The following FKBP5 variants were observed in gnomAD, a reference collection of about 807,000 sequenced individuals.
The protein encoded by FKBP5 is peptidyl-prolyl cis-trans isomerase FKBP5.
A neutral mutation model predicts 50.5 loss-of-function variants in FKBP5; 23 were observed. The observed-to-expected ratio is 0.46, with a 90% confidence interval of 0.33 to 0.65. The LOEUF is 0.65. Ranked by LOEUF, FKBP5 falls within the 30% of genes least tolerant of loss-of-function variation. The probability of loss-of-function intolerance (pLI) is 0.02; values close to 1 mark genes in which losing one functional copy is unlikely to be tolerated. For synonymous variants in FKBP5, 176 were observed against 190.6 expected (o/e 0.92, Z 0.63); for missense variants, 411 against 553.1 (o/e 0.74, Z 2.58).
chr6:35,669,080 T>C (rs577206342), intron 1 of FKBP5, among the ~76,000 whole-genome samples: 59 of 152,284 alleles, frequency 3.9e-4, no homozygotes, highest in African/African-American at 1.3e-3. Context: ...TTCTCAACTC[T>C]AAGAAAGCTA....
chr6:35,638,933 T>A (rs1056201520), intron 2 of FKBP5, among the ~76,000 whole-genome samples: 6 of 152,170 alleles, frequency 3.9e-5, no homozygotes, highest in African/African-American at 1.4e-4. Context: ...ACTGGGCATG[T>A]GGGATGAATG....
chr6:35,652,359 G>A (rs1221377172), intron 1 of FKBP5, among the ~76,000 whole-genome samples: 1 of 152,236 alleles, frequency 6.6e-6, no homozygotes, highest in Non-Finnish European at 1.5e-5. Flanking sequence ...CCGCCGGTGA[G>A]CCGGGCAGAA....
At chr6:35,683,011 T>C (rs1175672898) in intron 1 of FKBP5, among the ~76,000 whole-genome samples, 1 of 151,766 alleles carries the variant, frequency 6.6e-6, no homozygotes, top group Non-Finnish European at 1.5e-5. Flanking sequence ...TGTATGTGTC[T>C]GTGTGTATAT....
chr6:35,584,405 GA>G (rs1762537598), intron 8 of FKBP5: 1 of 985,314 alleles, frequency 1.0e-6, no homozygotes, highest in Non-Finnish European at 1.2e-6. Flanking sequence ...CCAATATGCA[GA>G]TGGCATGAAA....
chr6:35,584,482 A>G (rs968905358), intron 8 of FKBP5: 19 of 985,496 alleles, frequency 1.9e-5, no homozygotes, highest in Non-Finnish European at 2.3e-5. Context: ...CAAATGCATA[A>G]CATGCCAAGT....
In FKBP5 at chr6:35,578,055, CAAA is replaced by C. The variant is rs143946034; in HGVS notation, c.1027-825_1027-823del. Among the ~76,000 whole-genome samples, 111 of 104,284 alleles carry C rather than the reference CAAA, an allele frequency of 1.1e-3. 2 individuals carry two copies. Among genetic ancestry groups the C allele is most frequent in the Admixed American group, 1.7e-3 (17 of 10,180 alleles). The allele number at this position is 104,284 out of a possible 152,430, so 68.4% of individuals were successfully genotyped here. ...GGTGACAGAGTGAGACTCTTGTCTC[CAAA>C]AAAAAAAAAAAAAAAAAGTTCTTAC... On this transcript the variant is annotated intron_variant, in intron 9 of 10. Coordinates refer to ENST00000357266, the MANE Select transcript of FKBP5 (RefSeq NM_004117.4).
At chr6:35,658,248 G>A (rs1256283298) in intron 1 of FKBP5, among the ~76,000 whole-genome samples, 2 of 151,888 alleles carry the variant, frequency 1.3e-5, no homozygotes, top group Non-Finnish European at 2.9e-5. Flanking sequence ...GGTGGCGGGC[G>A]CCTGTAGTCC....
intron 5 of FKBP5, among the ~76,000 whole-genome samples, chr6:35,604,001 C>T (rs986117125): frequency 7.4e-5 from 11 of 148,980 alleles, no homozygotes; most frequent in African/African-American, 2.7e-4. Context: ...CCACCGTGCC[C>T]GGCCTCTTTA....
rs112790704 is a variant in FKBP5, at chr6:35,630,170, AAGAG to A, written c.250+6840_250+6843del. Reference sequence around the variant, plus strand: ...AGAGAAAGAGGGAGGAGGAGGAAGAAAGAGAGAGAGAGAGAGAGAGAGCGAGCGA... The same window carrying A: ...AGAGAAAGAGGGAGGAGGAGGAAGAAAGAGAGAGAGAGAGAGAGCGAGCGA... On this transcript the variant is annotated intron_variant, in intron 3 of 10. Transcript: ENST00000357266. Among the ~76,000 whole-genome samples, 361 of 146,676 alleles carry A rather than the reference AAGAG, an allele frequency of 2.5e-3. 2 individuals are homozygous for A. The highest frequency in any genetic ancestry group is 7.3e-3 in the Admixed American group (107 of 14,672).
At chr6:35,701,975 G>A (rs1442004315) in intron 2 of FKBP5, among the ~76,000 whole-genome samples, 3 of 151,992 alleles carry the variant, frequency 2.0e-5, no homozygotes, top group African/African-American at 4.8e-5. Context: ...AGCCTCCCAA[G>A]TAGCTGGGAT....
intron 5 of FKBP5, among the ~76,000 whole-genome samples, chr6:35,602,771 G>C (rs1421211382): frequency 6.6e-6 from 1 of 152,162 alleles, no homozygotes; most frequent in African/African-American, 2.4e-5. Flanking sequence ...ATTGCTTACA[G>C]AACTGACGGA....
intron 1 of FKBP5, among the ~76,000 whole-genome samples, chr6:35,666,356 G>A (rs1239950721): frequency 5.0e-5 from 3 of 60,112 alleles, no homozygotes; most frequent in Non-Finnish European, 9.5e-5. Flanking sequence ...TCTCACAGAA[G>A]CAAGCAAAAA....
At position 35,715,707 on chromosome 6, in the gene FKBP5, TG is replaced by T. The variant is rs559051300; in HGVS notation, c.-20+4620del. On this transcript the variant is annotated intron_variant, in intron 2 of 11. Transcript: ENST00000536438. ...CAGGCTGCGAGTTGCATGCTGTGCA[TG>T]GCCGGCTGGCTGTGCCATGCCAGGC... is the stretch of plus-strand genomic sequence containing the variant. Among the ~76,000 whole-genome samples, 63 of 152,358 alleles carry T rather than the reference TG, an allele frequency of 4.1e-4. 3 individuals carry two copies. In the South Asian group the frequency reaches 0.012, roughly 30 times the overall value.
upstream of FKBP5, among the ~76,000 whole-genome samples, chr6:35,689,670 G>A (rs62402144): frequency 1.3e-5 from 2 of 151,940 alleles, no homozygotes; most frequent in Non-Finnish European, 2.9e-5. Context: ...GTGAAACCCC[G>A]TCTCTACTAA....
chr6:35,577,802 C>T lies in FKBP5; in HGVS notation c.1027-569G>A, dbSNP rs576600279. Among the ~76,000 whole-genome samples, 49 of 152,346 alleles carry T rather than the reference C, an allele frequency of 3.2e-4. No individual in the cohort carries two copies. In the South Asian group the frequency reaches 6.6e-3, roughly 21 times the overall value. On this transcript the variant is annotated intron_variant, in intron 9 of 10. Coordinates refer to ENST00000357266, the MANE Select transcript of FKBP5 (RefSeq NM_004117.4). ...CGGGTGCAGTGGTTCACACCCTAAT[C>T]CCAGCACTTTGGGAGGCTGAGGCAG... is the stretch of plus-strand genomic sequence containing the variant.
At chr6:35,668,686 GTTA>G (rs1765297856) in intron 1 of FKBP5, among the ~76,000 whole-genome samples, 1 of 150,498 alleles carries the variant, frequency 6.6e-6, no homozygotes, top group Admixed American at 6.6e-5. Context: ...TGTTTTGTTT[GTTA>G]TTATTATACT....
At chr6:35,680,291 A>G (rs1765631508) in intron 1 of FKBP5, among the ~76,000 whole-genome samples, 1 of 152,120 alleles carries the variant, frequency 6.6e-6, no homozygotes, top group African/African-American at 2.4e-5. Flanking sequence ...TTAGCCAGAC[A>G]TGGTGGTGCA....
chr6:35,617,825 T>A (rs1763706913), intron 5 of FKBP5, among the ~76,000 whole-genome samples: 1 of 152,200 alleles, frequency 6.6e-6, no homozygotes, highest in Non-Finnish European at 1.5e-5. Flanking sequence ...CAGTGGTACA[T>A]ATAATTTGCT....
At chr6:35,700,721 G>A (rs1766165088) in intron 2 of FKBP5, among the ~76,000 whole-genome samples, 1 of 152,200 alleles carries the variant, frequency 6.6e-6, no homozygotes, top group African/African-American at 2.4e-5. Context: ...ACTTTGGGAG[G>A]CCGAGGTGGG....
Sources: allele counts gnomAD v4.1 joint callset (sites outside exome capture counted in the v4.1 genomes callset), GRCh38; gene constraint gnomAD v4.1.1; transcripts MANE v1.5; gene names NCBI Gene and HGNC (gene_info 2026-07-23, HGNC 2026-07-21).